Variants in SLC12A2 observed in about 807,000 individuals in gnomAD.
SLC12A2 encodes Na-K-2Cl cotransporter 1.
SLC12A2 carries 67 observed loss-of-function variants against 136.3 expected under a neutral mutation model. The observed-to-expected ratio is 0.49, with a 90% CI of 0.40 to 0.60. The LOEUF (loss-of-function observed/expected upper bound fraction) is 0.60. Among genes scored for constraint, SLC12A2 ranks in the 20% least tolerant of loss-of-function variants. SLC12A2 has a pLI of 0.00. For missense variants in SLC12A2, 1,322 were observed against 1,534.7 expected (o/e 0.86, Z 2.32); for synonymous variants, 619 against 562.9 (o/e 1.10, Z -1.41).
chr5:128,106,900 CT>C (rs1760959531), intron 1 of SLC12A2, among the ~76,000 whole-genome samples: 2 of 152,098 alleles, frequency 1.3e-5, no homozygotes, highest in Admixed American at 6.5e-5. Context: ...CTTTCGTTTT[CT>C]TTTAACACAG....
chr5:128,090,807 A>T (rs1453293004), intron 1 of SLC12A2, among the ~76,000 whole-genome samples: 1 of 152,166 alleles, frequency 6.6e-6, no homozygotes, highest in Non-Finnish European at 1.5e-5. Flanking sequence ...GCTTGGTGTG[A>T]TGGAGAGACA....
chr5:128,144,147 A>C (rs1284381215), intron 10 of SLC12A2, among the ~76,000 whole-genome samples: 3 of 152,132 alleles, frequency 2.0e-5, no homozygotes, highest in Non-Finnish European at 2.9e-5. Flanking sequence ...CCAGTGACTG[A>C]AAATGCCAGT....
chr5:128,142,221 A>G (rs564166347), intron 10 of SLC12A2, among the ~76,000 whole-genome samples: 6 of 152,144 alleles, frequency 3.9e-5, no homozygotes, highest in African/African-American at 1.4e-4. Flanking sequence ...TCTTGCCCCA[A>G]TCTCCCGCGT....
intron 26 of SLC12A2, among the ~76,000 whole-genome samples, chr5:128,186,109 A>G (rs1022910796): frequency 2.0e-5 from 3 of 152,130 alleles, no homozygotes; most frequent in African/African-American, 7.2e-5. Context: ...TAGATATGCA[A>G]ATGCTTACCA....
chr5:128,182,348 A>C (rs1177754884), intron 23 of SLC12A2, among the ~76,000 whole-genome samples: 2 of 152,096 alleles, frequency 1.3e-5, no homozygotes, highest in Non-Finnish European at 2.9e-5. Flanking sequence ...AGGCTTGTTG[A>C]TGATCCTTTT....
At chr5:128,131,733 T>C (rs1203787503) in intron 5 of SLC12A2, among the ~76,000 whole-genome samples, 5 of 151,686 alleles carry the variant, frequency 3.3e-5, no homozygotes, top group Non-Finnish European at 5.9e-5. Context: ...CAGCCGGGCG[T>C]GGTGGCTCAT....
At position 128,174,654 on chromosome 5, in the gene SLC12A2, A is replaced by T; in HGVS notation, c.2917A>T (p.Ile973Phe). The stretch of plus-strand genomic sequence containing the variant: ...TTCCAAACCACTCAGTGAAAAACCA[A>T]TTACACACAAAGGTAATTTTCATTC... ...DTSKPLSEKPITHKVEEEDGK... is the reference protein window; with the variant it reads ...DTSKPLSEKPFTHKVEEEDGK... Residue 973 changes from isoleucine (I) to phenylalanine (F), a missense_variant, in exon 20 of 27, where the codon ATT becomes TTT. Around this residue, in one of 8 missense-constraint regions of SLC12A2, gnomAD observed 226 missense variants for 210.4 expected, o/e 1.07. Transcript: ENST00000262461. The T allele has an allele frequency of 6.3e-7, 1 of 1,593,724 alleles. No individual in the cohort carries two copies. The highest frequency in any genetic ancestry group is 8.5e-7 in the Non-Finnish European group (1 of 1,171,820).
At chr5:128,153,581 T>A (rs1317723906) in intron 15 of SLC12A2, among the ~76,000 whole-genome samples, 1 of 152,160 alleles carries the variant, frequency 6.6e-6, no homozygotes, top group Non-Finnish European at 1.5e-5. Flanking sequence ...ATATATTATC[T>A]TTCTAATAGT....
At position 128,188,215 on chromosome 5, in the gene SLC12A2, G is replaced by T. The variant is rs762966385; in HGVS notation, c.*1584G>T. The T allele has an allele frequency of 6.6e-6, 1 of 150,998 alleles. No homozygotes were observed. The highest frequency in any genetic ancestry group is 2.4e-5 in the African/African-American group (1 of 40,976). 9.4% of individuals were successfully genotyped at this position (150,998 alleles called of 1,614,324 possible). On this transcript the variant is annotated 3_prime_UTR_variant, in exon 27 of 27. Transcript: ENST00000262461. ...CCAGTTCAAAAATGGAGAATACTTCGCCTAAAATACTGTTAAGTGGGTTAA... is the reference window on the plus strand; with the variant it reads ...CCAGTTCAAAAATGGAGAATACTTCTCCTAAAATACTGTTAAGTGGGTTAA...
intron 16 of SLC12A2, 65 bp from the exon 17 acceptor site, chr5:128,161,595 C>A: frequency 9.7e-7 from 1 of 1,030,810 alleles, no homozygotes; most frequent in South Asian, 4.1e-5. Flanking sequence ...CAGGATGAAT[C>A]ATTTGTATAA....
chr5:128,158,212 A>G (rs753686378), intron 16 of SLC12A2, 48 bp downstream of exon 16: 1 of 1,400,534 alleles, frequency 7.1e-7, no homozygotes, highest in South Asian at 1.2e-5. Context: ...TTAAAGTTTT[A>G]TTTTAGGTTC....
chr5:128,157,425 A>T lies in SLC12A2; in HGVS notation c.2364-628A>T, dbSNP rs1243401138. ...GAATTCAGATTTCTAGTTCAAGTAG[A>T]AATCTTTTTTTCAACATAGGTGATT... On this transcript the variant is annotated intron_variant, in intron 15 of 26. Transcript: ENST00000262461. 2.0e-5 allele frequency among the ~76,000 whole-genome samples: 3 copies of T among 152,300 alleles called. No homozygotes were observed. In the South Asian group the frequency reaches 6.2e-4, roughly 32 times the overall value.
intron 15 of SLC12A2, 57 bp downstream of exon 15, chr5:128,152,862 T>C (rs1762748228): frequency 1.0e-6 from 1 of 1,000,468 alleles, no homozygotes; most frequent in South Asian, 1.3e-5. Flanking sequence ...CAGTCAGTTC[T>C]TATTTTTCAT....
intron 4 of SLC12A2, 26 bp from the exon 5 acceptor site, chr5:128,131,041 T>C: frequency 6.2e-7 from 1 of 1,609,228 alleles, no homozygotes; most frequent in Non-Finnish European, 8.5e-7. Flanking sequence ...AGTACCTGTT[T>C]TTTTTGTTTG....
intron 5 of SLC12A2, among the ~76,000 whole-genome samples, chr5:128,133,410 CTT>C (rs1450305996): frequency 6.6e-6 from 1 of 151,950 alleles, no homozygotes; most frequent in Non-Finnish European, 1.5e-5. Context: ...TTGTAATTGA[CTT>C]TTATGAAATA....
chr5:128,149,190 T>C (rs1459451189), intron 12 of SLC12A2, among the ~76,000 whole-genome samples: 1 of 151,848 alleles, frequency 6.6e-6, no homozygotes, highest in Non-Finnish European at 1.5e-5. Flanking sequence ...TTTGGCACTC[T>C]GCCTCTGATC....
rs987638069 is a variant in SLC12A2, at chr5:128,084,152, C to T, written c.198C>T (p.Asp66=). The part of the protein sequence containing the change: ...VRDEGPAAAG[D]GLGRPLGPTP... ...ATGAGGGCCCCGCGGCGGCCGGGGA[C>T]GGGCTGGGCAGACCCTTGGGGCCCA... Residue 66 remains aspartate, a synonymous_variant, in exon 1 of 27, where the codon GAC becomes GAT. Transcript: ENST00000262461. This position sits in a 1 kb window ranked among gnomAD's most constrained non-coding sequence, Gnocchi z 5.6. 4 of 1,292,122 alleles carry T rather than the reference C, an allele frequency of 3.1e-6. No individual in the cohort carries two copies. The highest frequency in any genetic ancestry group is 3.2e-5 in the East Asian group (1 of 30,828). The allele number at this position is 1,292,122 out of a possible 1,614,324, so 80.0% of individuals were successfully genotyped here.
chr5:128,132,918 T>C (rs1234737113), intron 5 of SLC12A2, among the ~76,000 whole-genome samples: 1 of 152,204 alleles, frequency 6.6e-6, no homozygotes, highest in Non-Finnish European at 1.5e-5. Flanking sequence ...TTTTGTTTCA[T>C]GGAAAATTTA....
At chr5:128,102,180 C>G (rs938779405) in intron 1 of SLC12A2, among the ~76,000 whole-genome samples, 2 of 151,956 alleles carry the variant, frequency 1.3e-5, no homozygotes, top group African/African-American at 2.4e-5. Flanking sequence ...AAACATTTAA[C>G]ACATTTTCTC....
Sources: gnomAD v4.1 joint callset for allele counts (sites outside exome capture counted in the v4.1 genomes callset) on GRCh38, gnomAD v4.1.1 for gene constraint, gnomAD v4.1.1 regional missense constraint, Gnocchi (gnomAD v3.1) non-coding constraint, MANE v1.5 for transcripts, NCBI Gene and HGNC (gene_info 2026-07-23, HGNC 2026-07-21) for gene names.